THRB: variants seen among roughly 807,000 people sequenced by gnomAD.
THRB encodes nuclear receptor subfamily 1 group A member 2.
Under a neutral mutation model 47.8 loss-of-function variants are expected in THRB, and 12 were observed. That is an observed-to-expected ratio of 0.25 (90% CI 0.16 to 0.41). The LOEUF is 0.41. Among genes scored for constraint, THRB ranks in the 10% least tolerant of loss-of-function variants. THRB has a pLI of 1.00. For missense variants in THRB, 348 were observed against 589.2 expected (o/e 0.59, Z 4.24); for synonymous variants, 218 against 212.2 (o/e 1.03, Z -0.24).
chr3:24,413,596 C>G (rs1200297634), intron 1 of THRB, among the ~76,000 whole-genome samples: 1 of 150,920 alleles, frequency 6.6e-6, no homozygotes, highest in African/African-American at 2.4e-5. Context: ...ACTTTAAGTT[C>G]TAGGGTACGT....
intron 5 of THRB, among the ~76,000 whole-genome samples, chr3:24,179,843 T>C (rs1437872176): frequency 6.6e-6 from 1 of 152,224 alleles, no homozygotes; most frequent in African/African-American, 2.4e-5. Context: ...AAAAAAATCA[T>C]AGAACGGGCA....
intron 4 of THRB, among the ~76,000 whole-genome samples, chr3:24,201,631 G>A (rs2044609330): frequency 6.6e-6 from 1 of 152,182 alleles, no homozygotes; most frequent in African/African-American, 2.4e-5. Flanking sequence ...ACCACATAGT[G>A]ATAAGAGCCA....
chr3:24,230,349 T>C (rs1452765554), intron 3 of THRB, among the ~76,000 whole-genome samples: 2 of 152,198 alleles, frequency 1.3e-5, no homozygotes, highest in African/African-American at 4.8e-5. Context: ...GAATGTCAGA[T>C]ACATAACAGG....
chr3:24,481,087 C>G (rs902271129), intron 1 of THRB, among the ~76,000 whole-genome samples: 7 of 152,182 alleles, frequency 4.6e-5, no homozygotes, highest in Non-Finnish European at 8.8e-5. Context: ...AGTTTCCTTA[C>G]AAATCATCAG....
intron 1 of THRB, among the ~76,000 whole-genome samples, chr3:24,462,011 G>C (rs1215817162): frequency 2.0e-5 from 3 of 152,162 alleles, no homozygotes; most frequent in Admixed American, 2.0e-4. Context: ...GCCTCATCCT[G>C]TTTCTGTACA....
At chr3:24,347,251 A>G (rs981953565) in intron 1 of THRB, among the ~76,000 whole-genome samples, 4 of 152,028 alleles carry the variant, frequency 2.6e-5, no homozygotes, top group Non-Finnish European at 5.9e-5. Context: ...GTGTGAGTGG[A>G]GGGAAATTTC....
intron 2 of THRB, among the ~76,000 whole-genome samples, chr3:24,310,015 A>G (rs1399753366): frequency 6.6e-6 from 1 of 152,194 alleles, no homozygotes; most frequent in Non-Finnish European, 1.5e-5. Flanking sequence ...CCCCAAAGCT[A>G]CTGAGTACGG....
chr3:24,236,467 A>G (rs530872915), intron 3 of THRB, among the ~76,000 whole-genome samples: 2 of 152,280 alleles, frequency 1.3e-5, no homozygotes, highest in African/African-American at 4.8e-5. Context: ...AGGCATCATC[A>G]TTATTATAGA....
At chr3:24,478,124 T>A (rs1350538210) in intron 1 of THRB, among the ~76,000 whole-genome samples, 4 of 152,134 alleles carry the variant, frequency 2.6e-5, no homozygotes, top group African/African-American at 9.7e-5. Context: ...AACGATATAG[T>A]TAGAATTACC....
chr3:24,215,886 T>A (rs1177508841), intron 4 of THRB, among the ~76,000 whole-genome samples: 1 of 152,160 alleles, frequency 6.6e-6, no homozygotes, highest in Non-Finnish European at 1.5e-5. Context: ...TAGATGGGGA[T>A]GTAAGAAGGA....
In THRB at chr3:24,122,688, C is replaced by T. The variant is rs374351873; in HGVS notation, c.*196G>A. 1.7e-4 allele frequency: 117 copies of T among 692,134 alleles called. No homozygotes were observed. Among genetic ancestry groups the T allele is most frequent in the Middle Eastern group, 1.2e-3 (3 of 2,450 alleles). 42.9% of individuals were successfully genotyped at this position (692,134 alleles called of 1,614,324 possible). On this transcript the variant is annotated 3_prime_UTR_variant, in exon 11 of 11. Transcript: ENST00000646209. ...CTTCAGAGCATTCACATCACAGGAC[C>T]GGAGAACGAAATGCAATAGTTTCAA...
intron 5 of THRB, among the ~76,000 whole-genome samples, chr3:24,173,470 A>G (rs2040714740): frequency 6.6e-6 from 1 of 152,180 alleles, no homozygotes; most frequent in South Asian, 2.1e-4. Context: ...TACCAGTACC[A>G]TAATACACAA....
chr3:24,211,610 T>G (rs1186276525), intron 4 of THRB, among the ~76,000 whole-genome samples: 2 of 152,210 alleles, frequency 1.3e-5, no homozygotes, highest in Non-Finnish European at 2.9e-5. Flanking sequence ...GAAAAAATAA[T>G]GAGCAGTGGG....
intron 4 of THRB, among the ~76,000 whole-genome samples, chr3:24,210,304 T>G (rs2149840282): frequency 6.6e-6 from 1 of 152,274 alleles, no homozygotes. Context: ...ATTCCATACC[T>G]GCATGTTCCC....
At chr3:24,413,931 C>A (rs577303878) in intron 1 of THRB, among the ~76,000 whole-genome samples, 4 of 151,948 alleles carry the variant, frequency 2.6e-5, no homozygotes, top group Admixed American at 2.6e-4. Context: ...AACCAATTAC[C>A]TATTAATTCT....
chr3:24,322,206 C>T (rs1255499865), intron 2 of THRB, among the ~76,000 whole-genome samples: 2 of 151,954 alleles, frequency 1.3e-5, no homozygotes, highest in African/African-American at 2.4e-5. Flanking sequence ...TGGAGAGAAA[C>T]AATTATACAG....
At chr3:24,235,745 C>T (rs1351018218) in intron 3 of THRB, among the ~76,000 whole-genome samples, 3 of 152,094 alleles carry the variant, frequency 2.0e-5, no homozygotes, top group Non-Finnish European at 4.4e-5. Context: ...CAGAGAAGGA[C>T]ATATCCATCT....
intron 3 of THRB, among the ~76,000 whole-genome samples, chr3:24,293,204 G>A (rs116078756): frequency 6.6e-6 from 1 of 152,282 alleles, no homozygotes; most frequent in Non-Finnish European, 1.5e-5. Context: ...ATACCTGAAT[G>A]AATTTGAGAA....
rs192423606 is a variant in THRB, at chr3:24,423,478, G to T, written c.-261+71174C>A. On this transcript the variant is annotated intron_variant, in intron 1 of 10. Coordinates refer to ENST00000646209, the MANE Select transcript of THRB (RefSeq NM_001354712.2). ...TTATTTCCATAGACAAGTAAACTCT[G>T]CATTCCCAAGAATTAATCTACAATG... Among the ~76,000 whole-genome samples, 271 of 151,706 alleles carry T rather than the reference G, an allele frequency of 1.8e-3. 1 individual carries two copies. Among genetic ancestry groups the T allele is most frequent in the African/African-American group, 6.4e-3 (266 of 41,412 alleles).
Sources: gnomAD v4.1 joint callset for allele counts (sites outside exome capture counted in the v4.1 genomes callset) on GRCh38, gnomAD v4.1.1 for gene constraint, MANE v1.5 for transcripts, NCBI Gene and HGNC (gene_info 2026-07-23, HGNC 2026-07-21) for gene names.